The following RSF1 variants were observed in gnomAD, a reference collection of about 807,000 sequenced individuals.
RSF1 encodes remodeling and spacing factor 1.
RSF1 carries 13 observed loss-of-function variants against 145.2 expected under a neutral mutation model. That is an observed-to-expected ratio of 0.09 (90% CI 0.06 to 0.14). The LOEUF (loss-of-function observed/expected upper bound fraction) is 0.14, where lower values mean the gene tolerates loss of function less well. RSF1 is among the 10% of genes least tolerant of loss of function. The pLI, the probability that RSF1 is intolerant of heterozygous loss-of-function variation, is 1.00. For synonymous variants in RSF1, 577 were observed against 592.6 expected (o/e 0.97, Z 0.38); for missense variants, 1,517 against 1,718.2 (o/e 0.88, Z 2.07).
At chr11:77,789,193 C>T (rs967173137) in intron 1 of RSF1, among the ~76,000 whole-genome samples, 13 of 152,256 alleles carry the variant, frequency 8.5e-5, no homozygotes, top group Non-Finnish European at 1.5e-4. Flanking sequence ...ATGTTCCCAC[C>T]GTGGATTTCT....
At chr11:77,685,187 T>C in intron 9 of RSF1, 28 bp from the exon 10 acceptor site, 1 of 1,388,372 alleles carries the variant, frequency 7.2e-7, no homozygotes, top group Non-Finnish European at 9.9e-7. Flanking sequence ...ACAAAATACA[T>C]GAGATTTGCA....
At chr11:77,856,477 C>T in the RSF1 span, among the ~76,000 whole-genome samples, 1 of 152,162 alleles carries the variant, frequency 6.6e-6, no homozygotes, top group Non-Finnish European at 1.5e-5. Flanking sequence ...AGCAATACCC[C>T]CTTCCTGGTA....
intron 1 of RSF1, among the ~76,000 whole-genome samples, chr11:77,775,766 C>CTTTGTTTGTTTG (rs897375331): frequency 2.0e-4 from 30 of 152,196 alleles, no homozygotes; most frequent in African/African-American, 7.0e-4. Flanking sequence ...GACCCTGTTT[C>CTTTGTTTGTTTG]TTTGTTTGTT....
chr11:77,795,412 C>T (rs572679006), intron 1 of RSF1, among the ~76,000 whole-genome samples: 6 of 152,166 alleles, frequency 3.9e-5, no homozygotes, highest in African/African-American at 1.4e-4. Flanking sequence ...CAAAAGGATC[C>T]AAACAGAGAG....
At chr11:77,669,977 A>T (rs960052965) in intron 15 of RSF1, among the ~76,000 whole-genome samples, 2 of 152,198 alleles carry the variant, frequency 1.3e-5, no homozygotes, top group Non-Finnish European at 2.9e-5. Flanking sequence ...AAATAAATTT[A>T]AAAATTAGCA....
At position 77,660,324 on chromosome 11, in the gene RSF1, A is replaced by C. The variant is rs1565138253; in HGVS notation, c.*6593T>G. 1 of 152,164 alleles carries C rather than the reference A, an allele frequency of 6.6e-6. No individual in the cohort carries two copies. Among genetic ancestry groups the C allele is most frequent in the Non-Finnish European group, 1.5e-5 (1 of 68,016 alleles). The allele number at this position is 152,164 out of a possible 1,614,324, so 9.4% of individuals were successfully genotyped here. A position where few individuals can be genotyped will look rare whatever the true frequency, so the allele number is the denominator to read the frequency against. On this transcript the variant is annotated 3_prime_UTR_variant, in exon 16 of 16. Coordinates refer to ENST00000308488, the MANE Select transcript of RSF1 (RefSeq NM_016578.4). ...CACTGAAGTTAACCCCTGAAGCTTT[A>C]AGCTACCAAGAATTCCCATACTTTT...
intron 4 of RSF1, chr11:77,739,341 T>C (rs1225210791): frequency 6.6e-6 from 1 of 152,648 alleles, no homozygotes; most frequent in Non-Finnish European, 1.5e-5. Flanking sequence ...TTTAAACAAC[T>C]ACGCCAAGTT....
rs1267716332 is a variant in RSF1, at chr11:77,665,262, T to C, written c.*1655A>G. On this transcript the variant is annotated 3_prime_UTR_variant, in exon 16 of 16. Coordinates refer to ENST00000308488, the MANE Select transcript of RSF1 (RefSeq NM_016578.4). Reference sequence around the variant, plus strand: ...ACACTGACTAGCACATAATACTTAATTTGGAAAGAAAAATTAATGACGTTC... The same window carrying C: ...ACACTGACTAGCACATAATACTTAACTTGGAAAGAAAAATTAATGACGTTC... The C allele has an allele frequency of 6.6e-6, 1 of 152,180 alleles. No homozygotes were observed. The highest frequency in any genetic ancestry group is 1.5e-5 in the Non-Finnish European group (1 of 68,040). 9.4% of individuals were successfully genotyped at this position (152,180 alleles called of 1,614,324 possible).
At chr11:77,682,376 T>C (rs973684857) in intron 11 of RSF1, among the ~76,000 whole-genome samples, 2 of 152,206 alleles carry the variant, frequency 1.3e-5, no homozygotes, top group African/African-American at 2.4e-5. Flanking sequence ...TTTGGTGTTA[T>C]CCCAGCAGAT....
In RSF1 at chr11:77,695,254, C is replaced by T. The variant is rs956778101; in HGVS notation, c.2716-1643G>A. On this transcript the variant is annotated intron_variant, in intron 7 of 15. Transcript: ENST00000308488. ...TGCACTGAAGCTATGCCAATATCTT[C>T]TCTCTCCTTAAAGTTCTGCTCACTA... Among the ~76,000 whole-genome samples, 8 of 152,160 alleles carry T rather than the reference C, an allele frequency of 5.3e-5. No homozygotes were observed. In the South Asian group the frequency reaches 1.2e-3, roughly 24 times the overall value.
intron 4 of RSF1, among the ~76,000 whole-genome samples, chr11:77,736,025 C>A (rs1300220793): frequency 6.6e-6 from 1 of 152,230 alleles, no homozygotes; most frequent in Non-Finnish European, 1.5e-5. Context: ...GTGTGAGCCG[C>A]CGCACCCGGC....
chr11:77,811,290 A>C (rs117490375), intron 1 of RSF1, among the ~76,000 whole-genome samples: 2,302 of 152,348 alleles, frequency 0.015, 30 homozygotes, highest in Non-Finnish European at 0.024. Flanking sequence ...GTCCTATAGT[A>C]AGTTGAGGAA....
At chr11:77,828,683 AAAAG>A in the RSF1 span, among the ~76,000 whole-genome samples, 31 of 152,136 alleles carry the variant, frequency 2.0e-4, no homozygotes, top group Middle Eastern at 3.4e-3. Context: ...AAAAAAAAAA[AAAAG>A]AAAGAAAATT....
In RSF1 at chr11:77,701,631, T is replaced by A. The variant is rs746255930; in HGVS notation, c.1598A>T (p.Asp533Val). ...HSQKAQIEEPDPPEMETSLDS... is the reference protein window; with the variant it reads ...HSQKAQIEEPVPPEMETSLDS... ...AAGAGAAGTTTCCATTTCTGGAGGA[T>A]CGGGTTCCTCTATTTGTGCTTTTTG... The change falls in exon 6 of 16, where the codon GAT becomes GTT. Residue 533 changes from aspartate to valine, a missense_variant. Asp to Val is a radical substitution (Grantham distance 152). This residue lies in a region of RSF1 where 579 missense variants were observed against 553.5 expected (regional missense o/e 1.05). Transcript: ENST00000308488. The A allele has an allele frequency of 4.3e-6, 7 of 1,614,118 alleles. No individual in the cohort carries two copies. The Admixed American group carries it at 1.2e-4, about 27-fold the overall frequency.
intron 12 of RSF1, among the ~76,000 whole-genome samples, chr11:77,677,439 C>A (rs533691976): frequency 6.6e-6 from 1 of 152,222 alleles, no homozygotes; most frequent in South Asian, 2.1e-4. Context: ...AGAAAGAGGC[C>A]AATAGAGTTT....
chr11:77,726,269 C>T (rs1187079828), intron 4 of RSF1, among the ~76,000 whole-genome samples: 1 of 152,020 alleles, frequency 6.6e-6, no homozygotes, highest in Admixed American at 6.5e-5. Context: ...TTCCACAATA[C>T]CAGAAAATTC....
intron 1 of RSF1, among the ~76,000 whole-genome samples, chr11:77,778,152 A>G (rs1289173750): frequency 4.3e-3 from 21 of 4,930 alleles, no homozygotes; most frequent in East Asian, 0.011. Context: ...TGGAGGGGGG[A>G]GGGAAGGGGG....
intron 2 of RSF1, among the ~76,000 whole-genome samples, chr11:77,752,674 T>A (rs1948075859): frequency 1.3e-5 from 2 of 152,124 alleles, no homozygotes; most frequent in Non-Finnish European, 2.9e-5. Context: ...AAACCTTGGA[T>A]GTCGCCCCAG....
Position 77,724,056 on chromosome 11 carries a change from C to CA in RSF1, c.733+1488dup, listed in dbSNP as rs973959337. Among the ~76,000 whole-genome samples, 9 of 151,508 alleles carry CA rather than the reference C, an allele frequency of 5.9e-5. No individual in the cohort carries two copies. The South Asian group carries it at 8.3e-4, about 14-fold the overall frequency. ...AGACTTAAGAGTTTTCAAAGCATAA[C>CA]AAAAAAATAAACAACCCAAAGAAAA... On this transcript the variant is annotated intron_variant, in intron 5 of 15. Coordinates refer to ENST00000308488, the MANE Select transcript of RSF1 (RefSeq NM_016578.4).
Sources: gnomAD v4.1 joint callset for allele counts (sites outside exome capture counted in the v4.1 genomes callset) on GRCh38, gnomAD v4.1.1 for gene constraint, gnomAD v4.1.1 regional missense constraint, MANE v1.5 for transcripts, NCBI Gene and HGNC (gene_info 2026-07-23, HGNC 2026-07-21) for gene names.